Variants in GRIK3 observed in about 807,000 individuals in gnomAD.
GRIK3 encodes glutamate ionotropic receptor kainate type subunit 3.
A neutral mutation model predicts 102.5 loss-of-function variants in GRIK3; 29 were observed. The observed-to-expected ratio is 0.28, with a 90% CI of 0.21 to 0.39. The LOEUF is 0.39. GRIK3 is among the 10% of genes least tolerant of loss of function. GRIK3 has a pLI of 1.00. For missense variants in GRIK3, 908 were observed against 1,252.4 expected (o/e 0.73, Z 4.15); for synonymous variants, 511 against 504.9 (o/e 1.01, Z -0.16).
chr1:36,874,806 G>A (rs951895323), intron 3 of GRIK3, among the ~76,000 whole-genome samples: 1 of 152,190 alleles, frequency 6.6e-6, no homozygotes, highest in Non-Finnish European at 1.5e-5. Flanking sequence ...TGTCAGCCAA[G>A]CACATCGCCC....
intron 5 of GRIK3, among the ~76,000 whole-genome samples, chr1:36,860,261 G>A (rs796310710): frequency 6.6e-5 from 10 of 152,288 alleles, no homozygotes; most frequent in African/African-American, 2.4e-4. Context: ...ATCTCAGCCT[G>A]TTTCTTCATC....
chr1:36,817,005 A>C, intron 13 of GRIK3, 55 bp downstream of exon 13: 1 of 1,255,820 alleles, frequency 8.0e-7, no homozygotes, highest in Non-Finnish European at 1.2e-6. Context: ...CTGCTCAGTA[A>C]AGGGTCCGGA....
At chr1:36,964,642 C>T (rs891194990) in intron 1 of GRIK3, among the ~76,000 whole-genome samples, 4 of 152,166 alleles carry the variant, frequency 2.6e-5, no homozygotes, top group African/African-American at 7.2e-5. Flanking sequence ...AATGGAGGCT[C>T]AGTGAAGTGA....
intron 1 of GRIK3, among the ~76,000 whole-genome samples, chr1:37,026,790 A>G (rs1642768702): frequency 6.6e-6 from 1 of 152,128 alleles, no homozygotes; most frequent in Non-Finnish European, 1.5e-5. Context: ...ACCACATTTC[A>G]TCAGACCCAA....
intron 9 of GRIK3, among the ~76,000 whole-genome samples, chr1:36,847,530 T>C (rs540487374): frequency 6.6e-6 from 1 of 152,300 alleles, no homozygotes; most frequent in African/African-American, 2.4e-5. Context: ...TTTCTCAAGA[T>C]CTCTCACTCA....
intron 14 of GRIK3, among the ~76,000 whole-genome samples, 178 bp from the exon 15 acceptor site, chr1:36,805,415 G>A (rs1570734267): frequency 6.6e-6 from 1 of 152,240 alleles, no homozygotes; most frequent in East Asian, 1.9e-4. Context: ...GAGTGGAAAT[G>A]TCCTGTTTGA....
At chr1:36,904,371 A>G (rs1448287968) in intron 1 of GRIK3, among the ~76,000 whole-genome samples, 5 of 152,162 alleles carry the variant, frequency 3.3e-5, no homozygotes, top group African/African-American at 1.2e-4. Flanking sequence ...GGTAAATTTA[A>G]TTTCCTTCTT....
At chr1:36,898,407 G>T (rs960954201) in intron 1 of GRIK3, among the ~76,000 whole-genome samples, 2 of 152,118 alleles carry the variant, frequency 1.3e-5, no homozygotes, top group Non-Finnish European at 2.9e-5. Flanking sequence ...GTTCTTTAGA[G>T]AGAAGGAAAA....
chr1:36,840,897 T>C (rs112032961), intron 10 of GRIK3, among the ~76,000 whole-genome samples: 3 of 152,224 alleles, frequency 2.0e-5, no homozygotes, highest in Non-Finnish European at 2.9e-5. Flanking sequence ...ACCCTCTTAC[T>C]GAACTTACTC....
chr1:36,987,839 T>C (rs555288855), intron 1 of GRIK3, among the ~76,000 whole-genome samples: 10 of 152,244 alleles, frequency 6.6e-5, no homozygotes, highest in African/African-American at 2.4e-4. Flanking sequence ...AAAAGAAATC[T>C]AAGTACTGTA....
intron 1 of GRIK3, among the ~76,000 whole-genome samples, chr1:36,970,033 G>A (rs1276792946): frequency 6.6e-6 from 1 of 152,236 alleles, no homozygotes; most frequent in East Asian, 1.9e-4. Context: ...GGGTAAGGAT[G>A]CTTGATGCCA....
At chr1:36,971,366 C>T (rs1412305895) in intron 1 of GRIK3, among the ~76,000 whole-genome samples, 1 of 152,210 alleles carries the variant, frequency 6.6e-6, no homozygotes, top group Non-Finnish European at 1.5e-5. Flanking sequence ...AATGAGGCTG[C>T]AGCTAGGCCT....
At chr1:36,893,644 C>T (rs1050210845) in intron 1 of GRIK3, among the ~76,000 whole-genome samples, 2 of 152,118 alleles carry the variant, frequency 1.3e-5, no homozygotes, top group African/African-American at 4.8e-5. Context: ...AGAAATTTAC[C>T]AAAAGCCCTA....
chr1:36,877,444 C>T (rs973466979), intron 3 of GRIK3, among the ~76,000 whole-genome samples: 43 of 152,276 alleles, frequency 2.8e-4, no homozygotes, highest in African/African-American at 1.0e-3. Context: ...CTCCTTCCAA[C>T]CCTCCCTGTG....
At chr1:36,949,614 C>T (rs1190821007) in intron 1 of GRIK3, among the ~76,000 whole-genome samples, 2 of 126,650 alleles carry the variant, frequency 1.6e-5, no homozygotes, top group Non-Finnish European at 3.1e-5. Context: ...CGCTCTGTTG[C>T]CCCAGGCTGG....
chr1:36,838,145 G>A (rs540409506), intron 10 of GRIK3, among the ~76,000 whole-genome samples: 6 of 152,184 alleles, frequency 3.9e-5, no homozygotes, highest in African/African-American at 9.7e-5. Flanking sequence ...CTGGGAACTT[G>A]GCGAAGCATT....
intron 1 of GRIK3, among the ~76,000 whole-genome samples, chr1:36,953,328 G>A (rs1641867404): frequency 6.6e-6 from 1 of 152,176 alleles, no homozygotes; most frequent in South Asian, 2.1e-4. Flanking sequence ...AGAGGAGTGA[G>A]GTCCAAGGGG....
chr1:36,806,072 C>A lies in GRIK3; in HGVS notation c.2314+32G>T, dbSNP rs367635921. The A allele has an allele frequency of 5.3e-6, 8 of 1,508,646 alleles. No individual in the cohort carries two copies. The highest frequency in any genetic ancestry group is 7.3e-6 in the Non-Finnish European group (8 of 1,089,818). The allele number at this position is 1,508,646 out of a possible 1,614,324, so 93.5% of individuals were successfully genotyped here. A position where few individuals can be genotyped will look rare whatever the true frequency, so the allele number is the denominator to read the frequency against. On this transcript the variant is annotated intron_variant, in intron 14 of 15. Transcript: ENST00000373091. The surrounding 1 kb of genome is among the most constrained non-coding windows in gnomAD (Gnocchi z 4.0). ...GTGGAGCCCTCCCTCTGCCCACACA[C>A]CCACCCCTCCCACAGGCAGCCCCTC...
chr1:36,879,078 T>C (rs1200818794), intron 3 of GRIK3, among the ~76,000 whole-genome samples: 1 of 152,098 alleles, frequency 6.6e-6, no homozygotes, highest in East Asian at 1.9e-4. Context: ...TTGCTCTTTT[T>C]GTGACTTATG....
Sources: allele counts gnomAD v4.1 joint callset (sites outside exome capture counted in the v4.1 genomes callset), GRCh38; gene constraint gnomAD v4.1.1; non-coding constraint Gnocchi (gnomAD v3.1); transcripts MANE v1.5; gene names NCBI Gene and HGNC (gene_info 2026-07-23, HGNC 2026-07-21).